The following ARID1B variants were observed in gnomAD, a reference collection of about 807,000 sequenced individuals.
ARID1B encodes AT-rich interactive domain-containing protein 1B.
Under a neutral mutation model 212.3 loss-of-function variants are expected in ARID1B, and 30 were observed. The ratio of observed to expected loss-of-function variants is 0.14; its 90% CI spans 0.11 to 0.19. ARID1B has a LOEUF of 0.19. Among genes scored for constraint, ARID1B ranks in the 10% least tolerant of loss-of-function variants. The probability of loss-of-function intolerance (pLI) is 1.00; values close to 1 mark genes in which losing one functional copy is unlikely to be tolerated. For missense variants in ARID1B, 2,891 were observed against 3,204.0 expected (o/e 0.90, Z 2.36); for synonymous variants, 1,402 against 1,301.7 (o/e 1.08, Z -1.66).
intron 4 of ARID1B, among the ~76,000 whole-genome samples, chr6:157,080,583 G>A (rs1247441956): frequency 6.6e-6 from 1 of 152,178 alleles, no homozygotes; most frequent in African/African-American, 2.4e-5. Context: ...TTCTGACGCT[G>A]CCCTCCCTGA....
rs2114989810 is a variant in ARID1B, at chr6:156,778,905, G to C, written c.1225G>C (p.Gly409Arg). 7.3e-7 allele frequency: 1 copy of C among 1,367,808 alleles called. No homozygotes were observed. Among genetic ancestry groups the C allele is most frequent in the Non-Finnish European group, 9.4e-7 (1 of 1,062,886 alleles). The allele number at this position is 1,367,808 out of a possible 1,614,324, so 84.7% of individuals were successfully genotyped here. A position where few individuals can be genotyped will look rare whatever the true frequency, so the allele number is the denominator to read the frequency against. ...AGGAGGCAGCGGAGGAGGAGGAGGA[G>C]GAGGAGGAGCAGGAGCAGGAGGAGC... ...GGGGSGGGGG[G>R]GGAGAGGAGA... Residue 409 changes from glycine to arginine, a missense_variant, in exon 1 of 20, where the codon GGA (glycine) becomes CGA (arginine). Gly to Arg is a moderately radical substitution (Grantham distance 125, BLOSUM62 -2). Coordinates refer to ENST00000636930, the MANE Select transcript of ARID1B (RefSeq NM_001374828.1).
chr6:156,987,793 C>T (rs1778024432), intron 4 of ARID1B, among the ~76,000 whole-genome samples: 1 of 152,112 alleles, frequency 6.6e-6, no homozygotes, highest in Non-Finnish European at 1.5e-5. Context: ...CCCATTAGCC[C>T]TTGTTTATGT....
At chr6:157,052,169 G>T (rs903990702) in intron 4 of ARID1B, among the ~76,000 whole-genome samples, 2 of 152,130 alleles carry the variant, frequency 1.3e-5, no homozygotes, top group Non-Finnish European at 2.9e-5. Flanking sequence ...GAAAATAAAG[G>T]TTGGATAACA....
chr6:157,109,516 G>A (rs1405137743), intron 5 of ARID1B, among the ~76,000 whole-genome samples: 3 of 152,198 alleles, frequency 2.0e-5, no homozygotes, highest in Non-Finnish European at 4.4e-5. Context: ...ACGAGAGCTA[G>A]TTAGTGCCTT....
rs77023946 is a variant in ARID1B, at chr6:157,131,434, G to A, written c.2582-1594G>A. ...AGGTGTCGAGGGAGGGCTGAGGGAT[G>A]AGAAGGACCCAGCAGTGTGGAGAGC... On this transcript the variant is annotated intron_variant, in intron 6 of 19. Coordinates refer to ENST00000636930, the MANE Select transcript of ARID1B (RefSeq NM_001374828.1). Among the ~76,000 whole-genome samples the A allele has an allele frequency of 1.5e-3, 231 of 152,306 alleles. 1 individual carries two copies. Among genetic ancestry groups the A allele is most frequent in the African/African-American group, 5.0e-3 (207 of 41,558 alleles).
chr6:157,143,047 T>G (rs1429334566), intron 7 of ARID1B, among the ~76,000 whole-genome samples: 3 of 152,212 alleles, frequency 2.0e-5, no homozygotes, highest in African/African-American at 7.2e-5. Context: ...CCTGAAATGA[T>G]GATGGTGACT....
intron 4 of ARID1B, among the ~76,000 whole-genome samples, chr6:157,064,249 C>T (rs1438368394): frequency 1.3e-5 from 2 of 152,136 alleles, no homozygotes; most frequent in African/African-American, 4.8e-5. Flanking sequence ...TCTGGTCTGA[C>T]GATAGGTACT....
chr6:156,781,820 C>T (rs73790920), intron 1 of ARID1B, among the ~76,000 whole-genome samples: 5 of 151,952 alleles, frequency 3.3e-5, no homozygotes, highest in Non-Finnish European at 5.9e-5. Flanking sequence ...TTAAAATTCA[C>T]ATCTTCGTAA....
chr6:157,087,946 A>G (rs1333105336), intron 5 of ARID1B, among the ~76,000 whole-genome samples: 1 of 152,196 alleles, frequency 6.6e-6, no homozygotes, highest in African/African-American at 2.4e-5. Flanking sequence ...TTTTAGCTGA[A>G]CACTTAGCCC....
intron 2 of ARID1B, among the ~76,000 whole-genome samples, chr6:156,862,738 T>G (rs866929141): frequency 6.6e-6 from 1 of 152,146 alleles, no homozygotes; most frequent in African/African-American, 2.4e-5. Context: ...TCTTGTTGTG[T>G]GGGAGCCAGG....
chr6:157,186,021 A>G (rs1180123188), intron 13 of ARID1B: 2 of 154,004 alleles, frequency 1.3e-5, no homozygotes, highest in East Asian at 3.8e-4. Flanking sequence ...CTCTGAAACT[A>G]TTTTTCCAAA....
chr6:157,053,643 CT>C (rs1485946348), intron 4 of ARID1B, among the ~76,000 whole-genome samples: 1 of 152,004 alleles, frequency 6.6e-6, no homozygotes, highest in Non-Finnish European at 1.5e-5. Flanking sequence ...CTTTAAGGAC[CT>C]TAGTTTGAGT....
intron 9 of ARID1B, chr6:157,169,938 A>G (rs143584471): frequency 6.6e-6 from 1 of 152,262 alleles, no homozygotes; most frequent in Non-Finnish European, 1.5e-5. Flanking sequence ...TCAGTCCCAA[A>G]CATGAAGTGT....
Position 157,189,935 on chromosome 6 carries a change from G to C in ARID1B, c.4059-103G>C, listed in dbSNP as rs3812234. Reference sequence around the variant, plus strand: ...TTCTTCATGTCATTTATCTTGAATGGTTTTTGCATTTGCACATTTCAAGAT... The same window carrying C: ...TTCTTCATGTCATTTATCTTGAATGCTTTTTGCATTTGCACATTTCAAGAT... On this transcript the variant is annotated intron_variant, in intron 14 of 19. Transcript: ENST00000636930. 332 of 1,579,426 alleles carry C rather than the reference G, an allele frequency of 2.1e-4. 1 individual carries two copies. The East Asian group carries it at 7.2e-3, about 34-fold the overall frequency.
intron 4 of ARID1B, among the ~76,000 whole-genome samples, chr6:156,945,443 T>C (rs1160975273): frequency 2.0e-5 from 3 of 151,622 alleles, no homozygotes. Flanking sequence ...CAGGCCACAG[T>C]GAGCCTGGGG....
chr6:156,876,068 T>C (rs1009820174), intron 2 of ARID1B, among the ~76,000 whole-genome samples: 2 of 152,302 alleles, frequency 1.3e-5, no homozygotes, highest in Non-Finnish European at 2.9e-5. Context: ...CTTTTTGAAG[T>C]TGGGTCTCTG....
At chr6:156,880,739 CAAAAAAAAAAAA>C (rs141153792) in intron 2 of ARID1B, among the ~76,000 whole-genome samples, 4 of 86,994 alleles carry the variant, frequency 4.6e-5, no homozygotes, top group South Asian at 9.6e-4. Context: ...GACTCTGTCT[CAAAAAAAAAAAA>C]AAAAAAAAAA....
chr6:157,005,132 T>TTGTTGTTG, intron 4 of ARID1B, among the ~76,000 whole-genome samples: 1 of 148,944 alleles, frequency 6.7e-6, no homozygotes, highest in South Asian at 2.1e-4. Context: ...CAGGCTGTTT[T>TTGTTGTTG]TTGTTGTTGT....
At chr6:156,829,167 A>G in intron 1 of ARID1B, 60 bp from the exon 2 acceptor site, 1 of 1,428,156 alleles carries the variant, frequency 7.0e-7, no homozygotes, top group Non-Finnish European at 9.6e-7. Context: ...ACATAACACA[A>G]ATTTGTGCCT....
Sources: allele counts gnomAD v4.1 joint callset (sites outside exome capture counted in the v4.1 genomes callset), GRCh38; gene constraint gnomAD v4.1.1; transcripts MANE v1.5; gene names NCBI Gene and HGNC (gene_info 2026-07-23, HGNC 2026-07-21).